The following SH3GL2 variants were observed in gnomAD, a reference collection of about 807,000 sequenced individuals.
The protein encoded by SH3GL2 is endophilin-A1.
SH3GL2 carries 24 observed loss-of-function variants against 46.0 expected under a neutral mutation model. The ratio of observed to expected loss-of-function variants is 0.52; its 90% CI spans 0.38 to 0.73. The LOEUF (loss-of-function observed/expected upper bound fraction) is 0.73, where lower values mean the gene tolerates loss of function less well. Among genes scored for constraint, SH3GL2 ranks in the 30% least tolerant of loss-of-function variants. The probability of loss-of-function intolerance (pLI) is 0.00; values close to 1 mark genes in which losing one functional copy is unlikely to be tolerated. For missense variants in SH3GL2, 413 were observed against 424.2 expected, an observed-to-expected ratio of 0.97 and a Z score of 0.23; for synonymous variants, 196 against 147.1, an observed-to-expected ratio of 1.33 and a Z score of -2.40.
At chr9:17,601,069 C>G (rs534240757) in intron 1 of SH3GL2, among the ~76,000 whole-genome samples, 64 of 152,216 alleles carry the variant, frequency 4.2e-4, no homozygotes, top group African/African-American at 1.5e-3. Flanking sequence ...ATGTGCACTA[C>G]CAAGCTTTTC....
intron 1 of SH3GL2, among the ~76,000 whole-genome samples, chr9:17,582,829 G>T (rs970517714): frequency 6.6e-6 from 1 of 152,140 alleles, no homozygotes; most frequent in Non-Finnish European, 1.5e-5. Context: ...CTTGTGCTTT[G>T]TTGGGAATCT....
chr9:17,702,497 G>A (rs1042855407), intron 1 of SH3GL2, among the ~76,000 whole-genome samples: 1 of 151,634 alleles, frequency 6.6e-6, no homozygotes, highest in Non-Finnish European at 1.5e-5. Flanking sequence ...AGATGGAAAA[G>A]CAAGGAGCAA....
intron 3 of SH3GL2, among the ~76,000 whole-genome samples, chr9:17,764,399 G>C (rs1195585793): frequency 1.3e-5 from 2 of 152,242 alleles, no homozygotes; most frequent in Non-Finnish European, 2.9e-5. Flanking sequence ...CAGACACCCA[G>C]AGAGACAGTC....
At chr9:17,675,831 G>A (rs1820594124) in intron 1 of SH3GL2, among the ~76,000 whole-genome samples, 2 of 152,238 alleles carry the variant, frequency 1.3e-5, no homozygotes, top group Non-Finnish European at 2.9e-5. Flanking sequence ...TGTAATCCCA[G>A]CTACTGGGGA....
chr9:17,716,390 A>G (rs1021605527), intron 1 of SH3GL2, among the ~76,000 whole-genome samples: 4 of 152,090 alleles, frequency 2.6e-5, no homozygotes, highest in Non-Finnish European at 5.9e-5. Flanking sequence ...TGCTTTTAAT[A>G]TTTGCTAGGA....
At chr9:17,633,015 A>G (rs769981618) in intron 1 of SH3GL2, among the ~76,000 whole-genome samples, 1 of 152,184 alleles carries the variant, frequency 6.6e-6, no homozygotes, top group Non-Finnish European at 1.5e-5. Context: ...TTAATGAACT[A>G]TCACTTGGAG....
intron 1 of SH3GL2, among the ~76,000 whole-genome samples, chr9:17,638,597 A>G (rs1819601826): frequency 1.3e-5 from 2 of 152,228 alleles, no homozygotes; most frequent in African/African-American, 4.8e-5. Flanking sequence ...GGCTTAAAGA[A>G]TGAGACACTG....
At position 17,743,410 on chromosome 9, in the gene SH3GL2, GC is replaced by G. The variant is rs879787769; in HGVS notation, c.46-3655del. On this transcript the variant is annotated intron_variant, in intron 1 of 8. Transcript: ENST00000380607. Reference sequence around the variant, plus strand: ...AGTATAAGTGTATCAGTACATAACTGCTAATAACATCATTCGCTATATTTGG... The same window carrying G: ...AGTATAAGTGTATCAGTACATAACTGTAATAACATCATTCGCTATATTTGG... 4.1e-4 allele frequency among the ~76,000 whole-genome samples: 60 copies of G among 146,506 alleles called. 3 individuals are homozygous for G. Among genetic ancestry groups the G allele is most frequent in the Admixed American group, 3.9e-3 (54 of 14,016 alleles).
rs1378037734 is a variant in SH3GL2, at chr9:17,789,468, A to G, written c.542A>G (p.Glu181Gly). 6.2e-7 allele frequency: 1 copy of G among 1,613,208 alleles called. No individual in the cohort carries two copies. The highest frequency in any genetic ancestry group is 8.5e-7 in the Non-Finnish European group (1 of 1,179,268). The change falls in exon 6 of 9, where the codon GAA becomes GGA. Residue 181 changes from glutamate to glycine, a missense_variant. Around this residue, in one of 3 missense-constraint regions of SH3GL2, gnomAD observed 248 missense variants for 215.0 expected, o/e 1.15. Transcript: ENST00000380607. ...KKKRQGKIPD[E>G]ELRQALEKFD... ...AAACGACAAGGCAAGATTCCGGATG[A>G]AGAGCTTCGTCAAGCTCTAGAGAAA...
At chr9:17,748,981 A>G (rs1822769632) in intron 2 of SH3GL2, among the ~76,000 whole-genome samples, 1 of 152,218 alleles carries the variant, frequency 6.6e-6, no homozygotes, top group South Asian at 2.1e-4. Context: ...CAGACTGCAT[A>G]GTATTGATCC....
At chr9:17,695,000 A>C (rs1416053195) in intron 1 of SH3GL2, among the ~76,000 whole-genome samples, 1 of 152,322 alleles carries the variant, frequency 6.6e-6, no homozygotes, top group East Asian at 1.9e-4. Context: ...TTCACTAGAC[A>C]TGAATAAATC....
chr9:17,770,488 C>G (rs967026883), intron 3 of SH3GL2, among the ~76,000 whole-genome samples: 4 of 152,184 alleles, frequency 2.6e-5, no homozygotes, highest in Admixed American at 6.5e-5. Context: ...GGTTCACACC[C>G]TTATATAATC....
intron 1 of SH3GL2, among the ~76,000 whole-genome samples, chr9:17,622,319 A>G (rs1027408114): frequency 6.6e-6 from 1 of 152,184 alleles, no homozygotes; most frequent in African/African-American, 2.4e-5. Context: ...AGCCATCTGC[A>G]GTGTCTAAAT....
chr9:17,684,614 A>G (rs1232044151), intron 1 of SH3GL2, among the ~76,000 whole-genome samples: 2 of 152,144 alleles, frequency 1.3e-5, no homozygotes, highest in African/African-American at 2.4e-5. Flanking sequence ...AAGAAATCCA[A>G]TAAGCTCACT....
At chr9:17,642,609 A>T (rs866178344) in intron 1 of SH3GL2, among the ~76,000 whole-genome samples, 3 of 152,214 alleles carry the variant, frequency 2.0e-5, no homozygotes, top group African/African-American at 7.2e-5. Context: ...TTAAATAGGG[A>T]ATCTTTTTCC....
At chr9:17,733,534 A>G (rs1236626981) in intron 1 of SH3GL2, among the ~76,000 whole-genome samples, 3 of 150,834 alleles carry the variant, frequency 2.0e-5, no homozygotes, top group East Asian at 2.0e-4. Flanking sequence ...ACTGTAAACT[A>G]GTTCAACCAT....
chr9:17,698,288 C>G (rs1009507594), intron 1 of SH3GL2, among the ~76,000 whole-genome samples: 1 of 152,146 alleles, frequency 6.6e-6, no homozygotes, highest in East Asian at 1.9e-4. Flanking sequence ...ATTTCTGACT[C>G]ATAAAATGGT....
At chr9:17,761,606 G>A (rs1823177239) in intron 3 of SH3GL2, 97 bp downstream of exon 3, 1 of 844,704 alleles carries the variant, frequency 1.2e-6, no homozygotes, top group African/African-American at 1.7e-5. Flanking sequence ...TTCTTTTGGT[G>A]TTGCTTCCTC....
At chr9:17,710,826 T>G (rs1415466592) in intron 1 of SH3GL2, among the ~76,000 whole-genome samples, 1 of 151,922 alleles carries the variant, frequency 6.6e-6, no homozygotes, top group East Asian at 1.9e-4. Flanking sequence ...AGCTCTCTCC[T>G]CTTATCTGCA....
Sources: allele counts gnomAD v4.1 joint callset (sites outside exome capture counted in the v4.1 genomes callset), GRCh38; gene constraint gnomAD v4.1.1; regional missense constraint gnomAD v4.1.1; transcripts MANE v1.5; gene names NCBI Gene and HGNC (gene_info 2026-07-23, HGNC 2026-07-21).